The following NLGN1 variants were observed in gnomAD, a reference collection of about 807,000 sequenced individuals.
The protein encoded by NLGN1 is neuroligin-1.
In NLGN1, 12 loss-of-function variants were observed where a neutral mutation model predicts 65.5. The observed-to-expected ratio is 0.18, with a 90% CI of 0.12 to 0.30. The LOEUF (loss-of-function observed/expected upper bound fraction) is 0.30, where lower values mean the gene tolerates loss of function less well. Ranked by LOEUF, NLGN1 falls within the 10% of genes least tolerant of loss-of-function variation. The pLI, the probability that NLGN1 is intolerant of heterozygous loss-of-function variation, is 1.00. For missense variants in NLGN1, 750 were observed against 1,007.1 expected, an observed-to-expected ratio of 0.74 and a Z score of 3.46; for synonymous variants, 350 against 359.5, an observed-to-expected ratio of 0.97 and a Z score of 0.30.
chr3:174,032,993 T>TAGATAG, intron 4 of NLGN1, among the ~76,000 whole-genome samples: 1 of 151,882 alleles, frequency 6.6e-6, no homozygotes. Flanking sequence ...TATATAGATA[T>TAGATAG]AGATCTATCT....
chr3:173,968,617 T>C (rs1715408095), intron 4 of NLGN1, among the ~76,000 whole-genome samples: 1 of 151,530 alleles, frequency 6.6e-6, no homozygotes, highest in African/African-American at 2.4e-5. Flanking sequence ...CTAAGCTTTC[T>C]GGAAAATTAT....
intron 4 of NLGN1, among the ~76,000 whole-genome samples, chr3:174,070,682 A>G (rs1406786070): frequency 1.3e-5 from 2 of 152,198 alleles, no homozygotes; most frequent in African/African-American, 4.8e-5. Context: ...TTAGAACATT[A>G]TAAAACTATT....
intron 3 of NLGN1, among the ~76,000 whole-genome samples, chr3:173,696,933 A>G (rs1254972289): frequency 6.6e-6 from 1 of 152,202 alleles, no homozygotes; most frequent in East Asian, 1.9e-4. Flanking sequence ...TTGCTACAGT[A>G]GATTCAGATT....
At position 173,439,849 on chromosome 3, in the gene NLGN1, C is replaced by G. The variant is rs184096143; in HGVS notation, c.-321+4771C>G. ...TTGATGTTTATGGCTACTGACTGAT[C>G]AGAGTGGTGGTTGCTAAAAATTGGG... On this transcript the variant is annotated intron_variant, in intron 2 of 6. Transcript: ENST00000457714. 1.2e-3 allele frequency among the ~76,000 whole-genome samples: 187 copies of G among 152,194 alleles called. 1 individual carries two copies. Among genetic ancestry groups the G allele is most frequent in the African/African-American group, 4.3e-3 (177 of 41,552 alleles).
At position 174,255,435 on chromosome 3, in the gene NLGN1, C is replaced by CAAAAAAAAAAAAAAAAAAAAAA. The variant is rs71162383; in HGVS notation, c.647-19859_647-19858insAAAAAAAAAAAAAAAAAAAAAA. ...TAGGCGATAGAGCAAGACTCTGTCT[C>CAAAAAAAAAAAAAAAAAAAAAA]AAAAAAAAAAAAAAAAAAAAAGCGC... On this transcript the variant is annotated intron_variant, in intron 4 of 6. Coordinates refer to ENST00000457714, the Ensembl canonical transcript of NLGN1. 4.4e-4 allele frequency among the ~76,000 whole-genome samples: 31 copies of CAAAAAAAAAAAAAAAAAAAAAA among 70,232 alleles called. 4 individuals carry two copies. The highest frequency in any genetic ancestry group is 1.6e-3 in the African/African-American group (21 of 12,948). 46.1% of individuals were successfully genotyped at this position (70,232 alleles called of 152,430 possible).
At chr3:173,781,701 A>G (rs1027775012) in intron 3 of NLGN1, among the ~76,000 whole-genome samples, 2 of 152,186 alleles carry the variant, frequency 1.3e-5, no homozygotes, top group Non-Finnish European at 2.9e-5. Context: ...CAGTAATTGG[A>G]TTTGTAGGAC....
intron 4 of NLGN1, among the ~76,000 whole-genome samples, chr3:174,154,986 T>TATTATATATA (rs1725127183): frequency 1.4e-5 from 1 of 70,782 alleles, no homozygotes; most frequent in Non-Finnish European, 2.4e-5. Context: ...TATATTATAT[T>TATTATATATA]ATATATTATA....
chr3:173,612,846 G>A (rs1340842829), intron 3 of NLGN1, among the ~76,000 whole-genome samples: 4 of 152,158 alleles, frequency 2.6e-5, no homozygotes, highest in East Asian at 3.9e-4. Flanking sequence ...TGAGGGCTGC[G>A]AAGAAGAATC....
intron 4 of NLGN1, among the ~76,000 whole-genome samples, chr3:174,154,063 AT>A (rs1312226680): frequency 3.3e-5 from 5 of 152,106 alleles, no homozygotes. Context: ...TTAATGGCCC[AT>A]GGCAAAATTT....
At chr3:173,463,665 T>C (rs975342579) in intron 2 of NLGN1, among the ~76,000 whole-genome samples, 10 of 152,176 alleles carry the variant, frequency 6.6e-5, no homozygotes, top group African/African-American at 2.4e-4. Flanking sequence ...TCGGGATTCC[T>C]GGTATCCTTT....
intron 2 of NLGN1, among the ~76,000 whole-genome samples, chr3:173,509,972 T>C (rs1182624933): frequency 6.6e-6 from 1 of 152,160 alleles, no homozygotes; most frequent in Non-Finnish European, 1.5e-5. Flanking sequence ...GATAAGCACA[T>C]GGAGTATGCT....
intron 2 of NLGN1, among the ~76,000 whole-genome samples, chr3:173,479,810 T>A (rs1355483695): frequency 6.6e-6 from 1 of 152,018 alleles, no homozygotes; most frequent in Non-Finnish European, 1.5e-5. Context: ...AGAAAAAAAT[T>A]GGTATAATTT....
At chr3:173,581,954 T>C (rs1746474881) in intron 2 of NLGN1, among the ~76,000 whole-genome samples, 1 of 152,000 alleles carries the variant, frequency 6.6e-6, no homozygotes, top group Non-Finnish European at 1.5e-5. Flanking sequence ...TTCATTTACT[T>C]GGCACCCTCC....
chr3:174,213,953 G>T (rs1218198286), intron 4 of NLGN1, among the ~76,000 whole-genome samples: 1 of 152,004 alleles, frequency 6.6e-6, no homozygotes, highest in Admixed American at 6.6e-5. Context: ...GCCTTAAAGG[G>T]CTTTTATCTC....
At chr3:173,513,433 A>G (rs1733311737) in intron 2 of NLGN1, among the ~76,000 whole-genome samples, 1 of 152,150 alleles carries the variant, frequency 6.6e-6, no homozygotes, top group Non-Finnish European at 1.5e-5. Flanking sequence ...GTGGAGGTTT[A>G]TACTCATGGA....
At chr3:173,823,353 A>G (rs972258820) in intron 4 of NLGN1, among the ~76,000 whole-genome samples, 1 of 152,130 alleles carries the variant, frequency 6.6e-6, no homozygotes, top group Non-Finnish European at 1.5e-5. Context: ...AGATAAAATT[A>G]GTTTTAAATC....
Position 173,670,521 on chromosome 3 carries a change from G to T in NLGN1, c.493+65430G>T, listed in dbSNP as rs147974974. Among the ~76,000 whole-genome samples, 399 of 151,866 alleles carry T rather than the reference G, an allele frequency of 2.6e-3. 2 individuals are homozygous for T. Among genetic ancestry groups the T allele is most frequent in the African/African-American group, 9.2e-3 (380 of 41,382 alleles). On this transcript the variant is annotated intron_variant, in intron 3 of 6. Coordinates refer to ENST00000457714, the Ensembl canonical transcript of NLGN1. ...ATTTGCTAATTATAAGTTATTGGTG[G>T]TTTTTTTTCAGAAGTTCTATAAGTA...
At chr3:173,683,736 A>G (rs566337504) in intron 3 of NLGN1, among the ~76,000 whole-genome samples, 12 of 152,228 alleles carry the variant, frequency 7.9e-5, no homozygotes, top group Non-Finnish European at 1.5e-4. Context: ...AAGATAATGT[A>G]TATGAAACAG....
intron 2 of NLGN1, among the ~76,000 whole-genome samples, chr3:173,574,916 ACT>A (rs1745269899): frequency 6.6e-6 from 1 of 151,780 alleles, no homozygotes; most frequent in South Asian, 2.1e-4. Context: ...ACAGGATCTC[ACT>A]CTGTCACCTA....
Sources: allele counts gnomAD v4.1 joint callset (sites outside exome capture counted in the v4.1 genomes callset), GRCh38; gene constraint gnomAD v4.1.1; transcripts MANE v1.5; gene names NCBI Gene and HGNC (gene_info 2026-07-23, HGNC 2026-07-21).